The following SOS1 variants were observed in gnomAD, a reference collection of about 807,000 sequenced individuals.
SOS1 encodes the protein son of sevenless homolog 1.
In SOS1, 25 loss-of-function variants were observed where a neutral mutation model predicts 157.6. That is an observed-to-expected ratio of 0.16 (90% CI 0.12 to 0.22). The LOEUF (loss-of-function observed/expected upper bound fraction) is 0.22. Ranked by LOEUF, SOS1 falls within the 10% of genes least tolerant of loss-of-function variation. The pLI, the probability that SOS1 is intolerant of heterozygous loss-of-function variation, is 1.00. For synonymous variants in SOS1, 528 were observed against 534.0 expected, an observed-to-expected ratio of 0.99 and a Z score of 0.16; for missense variants, 1,237 against 1,599.1, an observed-to-expected ratio of 0.77 and a Z score of 3.86.
chr2:39,034,097 T>C (rs1231446660), intron 8 of SOS1, among the ~76,000 whole-genome samples: 1 of 152,232 alleles, frequency 6.6e-6, no homozygotes, highest in African/African-American at 2.4e-5. Context: ...TCATCCTGTA[T>C]TTCCAAAGAC....
intron 1 of SOS1, among the ~76,000 whole-genome samples, chr2:39,114,264 TTTTTTTG>T (rs1167720654): frequency 1.6e-4 from 24 of 151,872 alleles, no homozygotes; most frequent in East Asian, 7.7e-4. Context: ...CCTGGCTAAT[TTTTTTTG>T]TTTTTTGTTT....
intron 9 of SOS1, 46 bp from the exon 10 acceptor site, chr2:39,023,271 C>G: frequency 1.4e-6 from 2 of 1,451,692 alleles, no homozygotes; most frequent in Non-Finnish European, 1.9e-6. Flanking sequence ...TGACAGAAAA[C>G]CTAGAGCTCA....
intron 1 of SOS1, among the ~76,000 whole-genome samples, chr2:39,110,286 ATTGT>A (rs1286749923): frequency 1.3e-5 from 2 of 152,196 alleles, no homozygotes; most frequent in South Asian, 2.1e-4. Flanking sequence ...GTTGTACTGT[ATTGT>A]TTAAGGAGTA....
intron 2 of SOS1, among the ~76,000 whole-genome samples, chr2:39,063,852 TC>T (rs984775758): frequency 2.6e-5 from 4 of 152,226 alleles, no homozygotes; most frequent in African/African-American, 7.2e-5. Context: ...TCTTTTTTCT[TC>T]CTTTTGAGAC....
At position 38,981,668 on chromosome 2, in the gene SOS1, C is replaced by CAAAG. The variant is rs1485295555; in HGVS notation, c.*4152_*4155dup. ...ACCAAATACTGCTGCACACAGAGTA[C>CAAAG]AAAGATTACCTATGAACATGGTTAG... On this transcript the variant is annotated 3_prime_UTR_variant, in exon 23 of 23. Coordinates refer to ENST00000402219, the MANE Select transcript of SOS1 (RefSeq NM_005633.4). The CAAAG allele has an allele frequency of 6.6e-6, 1 of 151,998 alleles. No individual in the cohort carries two copies. The highest frequency in any genetic ancestry group is 1.5e-5 in the Non-Finnish European group (1 of 67,988). 9.4% of individuals were successfully genotyped at this position (151,998 alleles called of 1,614,324 possible).
intron 6 of SOS1, among the ~76,000 whole-genome samples, chr2:39,045,059 T>G (rs991151277): frequency 2.0e-5 from 3 of 152,194 alleles, no homozygotes; most frequent in Non-Finnish European, 4.4e-5. Context: ...TATACTTTAT[T>G]GTTTAGGGTA....
At chr2:39,081,023 A>C (rs1188672911) in intron 1 of SOS1, among the ~76,000 whole-genome samples, 1 of 134,124 alleles carries the variant, frequency 7.5e-6, no homozygotes, top group East Asian at 2.0e-4. Context: ...TTGTCTCTCC[A>C]AAAAAAAAAT....
chr2:39,028,050 C>T (rs569306002), intron 8 of SOS1, among the ~76,000 whole-genome samples: 5 of 152,188 alleles, frequency 3.3e-5, no homozygotes, highest in South Asian at 2.1e-4. Flanking sequence ...AGGCTGGTCT[C>T]GAACTCCTTG....
chr2:38,992,837 T>G (rs1668774008), intron 20 of SOS1: 1 of 152,196 alleles, frequency 6.6e-6, no homozygotes, highest in Non-Finnish European at 1.5e-5. Context: ...TTCATTTCAT[T>G]ACTTAATTTA....
rs1474357326 is a variant in SOS1 at position 39,058,458 on chromosome 2, C to G, written c.345+215G>C. Among the ~76,000 whole-genome samples the G allele has an allele frequency of 2.6e-5, 4 of 152,148 alleles. No homozygotes were observed. The East Asian group carries it at 7.7e-4, about 29-fold the overall frequency. ...CTTAGTCCTCTCAACTTGCTTATTACTATTGATATGAAATTACTTTAAATC... is the reference window on the plus strand; with the variant it reads ...CTTAGTCCTCTCAACTTGCTTATTAGTATTGATATGAAATTACTTTAAATC... On this transcript the variant is annotated intron_variant, in intron 3 of 22. Transcript: ENST00000402219.
intron 8 of SOS1, among the ~76,000 whole-genome samples, chr2:39,027,018 A>C (rs114582915): frequency 1.3e-5 from 2 of 152,242 alleles, no homozygotes; most frequent in Non-Finnish European, 2.9e-5. Flanking sequence ...TTGAGAATTT[A>C]ATCACTCAAA....
intron 6 of SOS1, among the ~76,000 whole-genome samples, chr2:39,044,720 T>A (rs1572849219): frequency 6.6e-6 from 1 of 152,202 alleles, no homozygotes; most frequent in Non-Finnish European, 1.5e-5. Context: ...TTCGTATATA[T>A]GGGTTCCACA....
intron 8 of SOS1, among the ~76,000 whole-genome samples, chr2:39,026,673 G>A (rs374675357): frequency 8.4e-4 from 128 of 152,290 alleles, no homozygotes; most frequent in African/African-American, 3.0e-3. Context: ...TCACATGGCA[G>A]AATTCTGGGA....
intron 1 of SOS1, among the ~76,000 whole-genome samples, chr2:39,107,444 A>G (rs980805622): frequency 7.2e-5 from 11 of 152,228 alleles, no homozygotes; most frequent in African/African-American, 2.6e-4. Flanking sequence ...ACAGTCTAAG[A>G]CACTTTCACT....
chr2:39,037,648 G>A (rs1476030475), intron 6 of SOS1, among the ~76,000 whole-genome samples: 1 of 151,020 alleles, frequency 6.6e-6, no homozygotes, highest in Non-Finnish European at 1.5e-5. Flanking sequence ...AAGATTTGTG[G>A]CAACCCTGTG....
At chr2:39,055,058 T>C (rs1671161975) in intron 4 of SOS1, among the ~76,000 whole-genome samples, 2 of 152,204 alleles carry the variant, frequency 1.3e-5, no homozygotes, top group Admixed American at 6.5e-5. Flanking sequence ...AGTATTTATC[T>C]GTCTGTCTCT....
intron 6 of SOS1, among the ~76,000 whole-genome samples, chr2:39,049,351 CAT>C (rs1179011968): frequency 3.3e-5 from 5 of 152,112 alleles, no homozygotes; most frequent in Non-Finnish European, 5.9e-5. Context: ...TGTTATACTA[CAT>C]GAGTTATTTC....
intron 1 of SOS1, among the ~76,000 whole-genome samples, chr2:39,089,462 G>A (rs1331268675): frequency 1.0e-4 from 15 of 149,668 alleles, no homozygotes; most frequent in African/African-American, 3.5e-4. Flanking sequence ...AGCCTGGGAG[G>A]TGGAGGTTGC....
intron 1 of SOS1, among the ~76,000 whole-genome samples, chr2:39,111,044 C>T (rs1163802438): frequency 6.6e-6 from 1 of 152,184 alleles, no homozygotes; most frequent in African/African-American, 2.4e-5. Context: ...ACCAGCCTGG[C>T]CAACATGGCG....
Sources: allele counts gnomAD v4.1 joint callset (sites outside exome capture counted in the v4.1 genomes callset), GRCh38; gene constraint gnomAD v4.1.1; transcripts MANE v1.5; gene names NCBI Gene and HGNC (gene_info 2026-07-23, HGNC 2026-07-21).